The following MARCHF4 variants were observed in gnomAD, a reference collection of about 807,000 sequenced individuals.
MARCHF4 encodes membrane associated ring-CH-type finger 4, also known as E3 ubiquitin-protein ligase MARCHF4.
In MARCHF4, 14 loss-of-function variants were observed where a neutral mutation model predicts 43.9. That is an observed-to-expected ratio of 0.32 (90% CI 0.21 to 0.50). MARCHF4 has a LOEUF of 0.50. Ranked by LOEUF, MARCHF4 falls within the 20% of genes least tolerant of loss-of-function variation. The probability of loss-of-function intolerance (pLI) is 0.98; values close to 1 mark genes in which losing one functional copy is unlikely to be tolerated. For missense variants in MARCHF4, 468 were observed against 536.7 expected, an observed-to-expected ratio of 0.87 and a Z score of 1.27; for synonymous variants, 226 against 213.3, an observed-to-expected ratio of 1.06 and a Z score of -0.52.
chr2:216,342,679 A>T (rs1692255555), intron 1 of MARCHF4, among the ~76,000 whole-genome samples: 1 of 152,092 alleles, frequency 6.6e-6, no homozygotes, highest in Admixed American at 6.5e-5. Context: ...GTGAGGACTC[A>T]GAGACCCCCT....
At chr2:216,325,672 T>C (rs1469446782) in intron 1 of MARCHF4, among the ~76,000 whole-genome samples, 1 of 151,892 alleles carries the variant, frequency 6.6e-6, no homozygotes, top group Non-Finnish European at 1.5e-5. Context: ...TACAACTATC[T>C]GATCTTTGAC....
At chr2:216,321,498 C>A (rs1691894983) in intron 1 of MARCHF4, 2 of 152,170 alleles carry the variant, frequency 1.3e-5, no homozygotes, top group African/African-American at 2.4e-5. Flanking sequence ...TGGCTAGGAA[C>A]TGAGTTGGCA....
rs140306877 is a variant in MARCHF4, at chr2:216,260,704, G to T, written c.866-1025C>A. ...GTAGGGTCTTATAGGCCATGGCTAG[G>T]GATTTGCATTCTATCCTGAGTATAA... On this transcript the variant is annotated intron_variant, in intron 3 of 3. Transcript: ENST00000273067. 4.3e-4 allele frequency among the ~76,000 whole-genome samples: 65 copies of T among 152,314 alleles called. 1 individual carries two copies. Among genetic ancestry groups the T allele is most frequent in the African/African-American group, 1.4e-3 (60 of 41,562 alleles).
At chr2:216,364,577 T>G (rs564757364) in intron 1 of MARCHF4, among the ~76,000 whole-genome samples, 1 of 152,342 alleles carries the variant, frequency 6.6e-6, no homozygotes, top group Admixed American at 6.5e-5. Flanking sequence ...CAGACAGCCA[T>G]GAACTTGCTC....
chr2:216,332,994 T>C (rs1269494470), intron 1 of MARCHF4, among the ~76,000 whole-genome samples: 2 of 152,202 alleles, frequency 1.3e-5, no homozygotes, highest in African/African-American at 2.4e-5. Context: ...ACCCACCCAA[T>C]CCCATACACA....
chr2:216,303,939 G>C (rs1443973093), intron 1 of MARCHF4, among the ~76,000 whole-genome samples: 1 of 152,144 alleles, frequency 6.6e-6, no homozygotes, highest in African/African-American at 2.4e-5. Flanking sequence ...ACACTTCATG[G>C]GCAGGTCAAG....
At chr2:216,271,437 C>G (rs770656580) in intron 3 of MARCHF4, among the ~76,000 whole-genome samples, 13 of 152,180 alleles carry the variant, frequency 8.5e-5, no homozygotes, top group Admixed American at 2.0e-4. Context: ...GCTCTCTGCT[C>G]TGCTCTACCT....
At chr2:216,291,086 T>C (rs1430153658) in intron 1 of MARCHF4, among the ~76,000 whole-genome samples, 1 of 151,870 alleles carries the variant, frequency 6.6e-6, no homozygotes, top group African/African-American at 2.4e-5. Flanking sequence ...GCAGTGAGTA[T>C]AGGTAGGAAA....
At chr2:216,300,705 T>C (rs1691480323) in intron 1 of MARCHF4, among the ~76,000 whole-genome samples, 1 of 152,054 alleles carries the variant, frequency 6.6e-6, no homozygotes, top group South Asian at 2.1e-4. Flanking sequence ...ATAATAATAA[T>C]AAACATTATT....
At chr2:216,281,058 C>CTT (rs58189904) in intron 2 of MARCHF4, among the ~76,000 whole-genome samples, 37 of 104,294 alleles carry the variant, frequency 3.5e-4, no homozygotes, top group East Asian at 2.6e-3. Context: ...TTTCTCACAA[C>CTT]TTTTTTTTTT....
Position 216,307,142 on chromosome 2 carries a change from C to T in MARCHF4, c.517-23413G>A, listed in dbSNP as rs1156678174. On this transcript the variant is annotated intron_variant, in intron 1 of 3. Transcript: ENST00000273067. ...GGCCCCAGGAACCACCTGGAAGGAG[C>T]TCCCATGGCCAGCACGTTAGATGGG... Among the ~76,000 whole-genome samples, 4 of 152,160 alleles carry T rather than the reference C, an allele frequency of 2.6e-5. No individual in the cohort carries two copies. The East Asian group carries it at 7.7e-4, about 29-fold the overall frequency.
intron 3 of MARCHF4, among the ~76,000 whole-genome samples, chr2:216,269,874 C>T (rs1428998171): frequency 6.6e-6 from 1 of 152,118 alleles, no homozygotes; most frequent in Admixed American, 6.5e-5. Flanking sequence ...GTGACTCAGT[C>T]CTTCCTATTG....
At chr2:216,266,414 T>G (rs1394821841) in intron 3 of MARCHF4, among the ~76,000 whole-genome samples, 1 of 152,076 alleles carries the variant, frequency 6.6e-6, no homozygotes, top group African/African-American at 2.4e-5. Context: ...CCCACTCATC[T>G]CTCTTCCTCC....
At chr2:216,290,408 G>C (rs1691290741) in intron 1 of MARCHF4, among the ~76,000 whole-genome samples, 1 of 152,202 alleles carries the variant, frequency 6.6e-6, no homozygotes, top group Admixed American at 6.5e-5. Context: ...CTGGGGTAGA[G>C]TAGTTTAGAG....
At chr2:216,285,371 A>G (rs761344883) in intron 1 of MARCHF4, among the ~76,000 whole-genome samples, 1 of 152,160 alleles carries the variant, frequency 6.6e-6, no homozygotes, top group Non-Finnish European at 1.5e-5. Flanking sequence ...TGCTCCTCCA[A>G]TAACAACAGG....
chr2:216,319,874 A>G (rs1691851630), intron 1 of MARCHF4, among the ~76,000 whole-genome samples: 1 of 152,028 alleles, frequency 6.6e-6, no homozygotes, highest in African/African-American at 2.4e-5. Context: ...AATACCCCCA[A>G]CTGCTTGGCC....
At chr2:216,368,468 A>G (rs1156557386) in intron 1 of MARCHF4, among the ~76,000 whole-genome samples, 1 of 152,236 alleles carries the variant, frequency 6.6e-6, no homozygotes, top group African/African-American at 2.4e-5. Context: ...TAAGATCTAT[A>G]TCACTTCCCC....
chr2:216,364,792 G>C (rs550641661), intron 1 of MARCHF4, among the ~76,000 whole-genome samples: 2 of 152,354 alleles, frequency 1.3e-5, no homozygotes, highest in South Asian at 4.1e-4. Context: ...ATGTCCTGTA[G>C]ACCAAAGGAC....
intron 1 of MARCHF4, among the ~76,000 whole-genome samples, chr2:216,363,333 CT>C (rs1692616472): frequency 6.6e-6 from 1 of 152,220 alleles, no homozygotes; most frequent in African/African-American, 2.4e-5. Flanking sequence ...TGCTTCACAA[CT>C]GTCAAAACAC....
Sources: allele counts gnomAD v4.1 joint callset (sites outside exome capture counted in the v4.1 genomes callset), GRCh38; gene constraint gnomAD v4.1.1; transcripts MANE v1.5; gene names NCBI Gene and HGNC (gene_info 2026-07-23, HGNC 2026-07-21).